The following FOXO1 variants were observed in gnomAD, a reference collection of about 807,000 sequenced individuals.
The protein encoded by FOXO1 is forkhead box protein O1.
FOXO1 carries 6 observed loss-of-function variants against 44.1 expected under a neutral mutation model. That is an observed-to-expected ratio of 0.14 (90% CI 0.07 to 0.27). The LOEUF (loss-of-function observed/expected upper bound fraction) is 0.27, where lower values mean the gene tolerates loss of function less well. Ranked by LOEUF, FOXO1 falls within the 10% of genes least tolerant of loss-of-function variation. The probability of loss-of-function intolerance (pLI) is 1.00; values close to 1 mark genes in which losing one functional copy is unlikely to be tolerated. For synonymous variants in FOXO1, 380 were observed against 362.7 expected (o/e 1.05, Z -0.54); for missense variants, 737 against 888.8 (o/e 0.83, Z 2.17).
intron 1 of FOXO1, among the ~76,000 whole-genome samples, chr13:40,594,490 A>C (rs1875502843): frequency 6.6e-6 from 1 of 152,220 alleles, no homozygotes. Context: ...ACCTAAATCT[A>C]GTTACTGAAA....
In FOXO1 at chr13:40,560,117, C is replaced by T. The variant is rs555035704; in HGVS notation, c.1374G>A (p.Ala458=). The T allele has an allele frequency of 2.5e-4, 409 of 1,614,098 alleles. 2 individuals carry two copies. The South Asian group carries it at 3.9e-3, about 15-fold the overall frequency. ...TCAGCAACTCCTTCAAGAGTCCAGG[C>T]GCACAGTTATACTGACTCATACCTC... ...SYGGMSQYNC[A]PGLLKELLTS... The change falls in exon 2 of 3, where the codon GCG becomes GCA. Residue 458 remains alanine, a synonymous_variant. Coordinates refer to ENST00000379561, the MANE Select transcript of FOXO1 (RefSeq NM_002015.4). The surrounding 1 kb of genome is among the most constrained non-coding windows in gnomAD (Gnocchi z 5.1).
At chr13:40,590,998 C>G (rs1201395387) in intron 1 of FOXO1, among the ~76,000 whole-genome samples, 7 of 152,090 alleles carry the variant, frequency 4.6e-5, no homozygotes, top group Admixed American at 3.9e-4. Flanking sequence ...ACACAATGCT[C>G]AGGTTCTGGA....
At chr13:40,573,631 G>A (rs1414702181) in intron 1 of FOXO1, among the ~76,000 whole-genome samples, 3 of 152,094 alleles carry the variant, frequency 2.0e-5, no homozygotes, top group East Asian at 3.8e-4. Context: ...TTGGAAACAT[G>A]GATGATATTG....
intron 1 of FOXO1, among the ~76,000 whole-genome samples, chr13:40,637,866 T>TTTCTCAC (rs1331823279): frequency 6.6e-6 from 1 of 152,168 alleles, no homozygotes; most frequent in Non-Finnish European, 1.5e-5. Context: ...AACTACTCAC[T>TTTCTCAC]TTATGGGAAT....
intron 1 of FOXO1, among the ~76,000 whole-genome samples, chr13:40,630,888 A>G (rs1239641093): frequency 6.6e-6 from 1 of 152,168 alleles, no homozygotes; most frequent in African/African-American, 2.4e-5. Context: ...ACCACTCTGC[A>G]GGAATGTGGT....
At position 40,558,446 on chromosome 13, in the gene FOXO1, G is replaced by T. The variant is rs1873843786; in HGVS notation, c.*603C>A. 1 of 164,144 alleles carries T rather than the reference G, an allele frequency of 6.1e-6. No individual in the cohort carries two copies. Among genetic ancestry groups the T allele is most frequent in the Non-Finnish European group, 1.3e-5 (1 of 76,082 alleles). 10.2% of individuals were successfully genotyped at this position (164,144 alleles called of 1,614,324 possible). On this transcript the variant is annotated 3_prime_UTR_variant, in exon 3 of 3. Coordinates refer to ENST00000379561, the MANE Select transcript of FOXO1 (RefSeq NM_002015.4). ...AAAGTTTAACAAGTCCATTAATTTA[G>T]CAGATTGATAACAGGCTACTTGGTT...
rs1349943792 is a variant in FOXO1 at position 40,616,292 on chromosome 13, T to A, written c.630+49291A>T. Among the ~76,000 whole-genome samples, 3 of 151,486 alleles carry A rather than the reference T, an allele frequency of 2.0e-5. No homozygotes were observed. The East Asian group carries it at 5.8e-4, about 29-fold the overall frequency. On this transcript the variant is annotated intron_variant, in intron 1 of 2. Transcript: ENST00000379561. ...TTTCTTTTTAAATGAAAAAAAAAAT[T>A]AAAACGCAAAAAAAGAACACTGCAC...
At chr13:40,653,683 T>G (rs1326925184) in intron 1 of FOXO1, among the ~76,000 whole-genome samples, 2 of 152,168 alleles carry the variant, frequency 1.3e-5, no homozygotes, top group South Asian at 2.1e-4. Flanking sequence ...AGTTACAAAA[T>G]ACAACCACAG....
At chr13:40,623,373 A>T (rs570468466) in intron 1 of FOXO1, among the ~76,000 whole-genome samples, 5 of 152,348 alleles carry the variant, frequency 3.3e-5, no homozygotes, top group African/African-American at 1.2e-4. Flanking sequence ...GTCTGTGTGT[A>T]TCACACGACA....
In FOXO1 at chr13:40,665,647, C is replaced by T; in HGVS notation, c.566G>A (p.Trp189Ter). Residue 189 changes from tryptophan to a stop codon, truncating the protein, a stop_gained, in exon 1 of 3, where the codon TGG becomes TAG. Coordinates refer to ENST00000379561, the MANE Select transcript of FOXO1 (RefSeq NM_002015.4). LOFTEE classifies it high-confidence loss of function. ...KRLTLSQIYE[W>*]MVKSVPYFKD... is the part of the protein sequence containing the mutation. ...GAAGTAGGGCACGCTCTTGACCATC[C>T]ACTCGTAGATCTGCGACAGCGTGAG... 6.5e-7 allele frequency: 1 copy of T among 1,530,944 alleles called. No homozygotes were observed. Among genetic ancestry groups the T allele is most frequent in the Non-Finnish European group, 8.8e-7 (1 of 1,132,562 alleles). 94.8% of individuals were successfully genotyped at this position (1,530,944 alleles called of 1,614,324 possible).
At chr13:40,615,137 A>G (rs746675047) in intron 1 of FOXO1, among the ~76,000 whole-genome samples, 2 of 152,244 alleles carry the variant, frequency 1.3e-5, no homozygotes, top group Non-Finnish European at 2.9e-5. Context: ...GTTCAAGATA[A>G]TGAACAAAAC....
intron 1 of FOXO1, among the ~76,000 whole-genome samples, chr13:40,637,028 G>A (rs1877179520): frequency 3.3e-5 from 5 of 152,128 alleles, no homozygotes; most frequent in Non-Finnish European, 1.5e-5. Context: ...TGAGGAAACT[G>A]AGGCATGAAG....
At chr13:40,605,959 G>A (rs1405017810) in intron 1 of FOXO1, among the ~76,000 whole-genome samples, 1 of 151,894 alleles carries the variant, frequency 6.6e-6, no homozygotes, top group African/African-American at 2.4e-5. Flanking sequence ...AAGTAATAAT[G>A]CAAATATCAA....
intron 1 of FOXO1, among the ~76,000 whole-genome samples, chr13:40,565,907 T>A (rs2180961): frequency 0.13 from 20,480 of 152,258 alleles, 1,585 homozygotes; most frequent in South Asian, 0.28. Flanking sequence ...GAGGCTTTTT[T>A]ATATGTTAAT....
At chr13:40,573,337 C>G (rs565833168) in intron 1 of FOXO1, among the ~76,000 whole-genome samples, 8 of 152,220 alleles carry the variant, frequency 5.3e-5, no homozygotes, top group African/African-American at 1.9e-4. Flanking sequence ...CAAGCCAGCC[C>G]AGGAAGAATG....
At position 40,611,406 on chromosome 13, in the gene FOXO1, T is replaced by C. The variant is rs561873178; in HGVS notation, c.631-50546A>G. ...GGTACACACAGTGTGTATTTCAGGA[T>C]ATGACCAATAAATTTAGAATCATAT... On this transcript the variant is annotated intron_variant, in intron 1 of 2. Coordinates refer to ENST00000379561, the MANE Select transcript of FOXO1 (RefSeq NM_002015.4). 1.8e-3 allele frequency among the ~76,000 whole-genome samples: 271 copies of C among 152,366 alleles called. 1 individual carries two copies. Among genetic ancestry groups the C allele is most frequent in the African/African-American group, 5.8e-3 (243 of 41,590 alleles).
intron 1 of FOXO1, among the ~76,000 whole-genome samples, chr13:40,650,228 G>C (rs1877635894): frequency 6.6e-6 from 1 of 152,168 alleles, no homozygotes; most frequent in Non-Finnish European, 1.5e-5. Flanking sequence ...GTGGCAGTGA[G>C]AACAACCAGA....
chr13:40,637,724 G>A (rs541837631), intron 1 of FOXO1, among the ~76,000 whole-genome samples: 10 of 152,180 alleles, frequency 6.6e-5, no homozygotes, highest in African/African-American at 2.2e-4. Context: ...TTCTTCACAC[G>A]AGTAAAGAGC....
At chr13:40,608,427 A>G (rs1416410648) in intron 1 of FOXO1, among the ~76,000 whole-genome samples, 2 of 152,240 alleles carry the variant, frequency 1.3e-5, no homozygotes, top group East Asian at 3.8e-4. Context: ...CACATGGAGT[A>G]GGCTGCTGCA....
Sources: allele counts gnomAD v4.1 joint callset (sites outside exome capture counted in the v4.1 genomes callset), GRCh38; gene constraint gnomAD v4.1.1; non-coding constraint Gnocchi (gnomAD v3.1); transcripts MANE v1.5; gene names NCBI Gene and HGNC (gene_info 2026-07-23, HGNC 2026-07-21).